IGLL5: variants seen among roughly 807,000 people sequenced by gnomAD.
IGLL5 encodes immunoglobulin lambda-like polypeptide 5.
IGLL5 carries 30 observed loss-of-function variants against 20.9 expected under a neutral mutation model. The ratio of observed to expected loss-of-function variants is 1.44; its 90% CI spans 1.07 to 1.95. The LOEUF (loss-of-function observed/expected upper bound fraction) is 1.95. IGLL5 is among the 30% of genes most tolerant of loss of function. IGLL5 has a pLI of 0.00. For synonymous variants in IGLL5, 203 were observed against 117.3 expected, an observed-to-expected ratio of 1.73 and a Z score of -4.72; for missense variants, 475 against 270.7, an observed-to-expected ratio of 1.75 and a Z score of -5.30.
At chr22:22,895,278 A>T in intron 2 of IGLL5, 97 bp from the exon 3 acceptor site, 1 of 1,167,394 alleles carries the variant, frequency 8.6e-7, no homozygotes, top group Non-Finnish European at 1.2e-6. Flanking sequence ...GGATGGCCAC[A>T]CTGTGAACCC....
chr22:22,895,443 G>A lies in IGLL5; in HGVS notation c.394G>A (p.Ala132Thr). The A allele has an allele frequency of 1.9e-6, 3 of 1,612,912 alleles. No homozygotes were observed. The highest frequency in any genetic ancestry group is 1.3e-5 in the African/African-American group (1 of 74,840). ...PSSEELQANK[A>T]TLVCLISDFY... Reference sequence around the variant, plus strand: ...CTCTGAGGAGCTCCAAGCCAACAAGGCCACACTAGTGTGTCTGATCAGTGA... The same window carrying A: ...CTCTGAGGAGCTCCAAGCCAACAAGACCACACTAGTGTGTCTGATCAGTGA... The change falls in exon 3 of 3, where the codon GCC becomes ACC. Residue 132 changes from alanine (A) to threonine (T), a missense_variant. Transcript: ENST00000526893.
chr22:22,893,935 ACCTTTCTCCATGGGGCCTGGAGGAGGTGC>A (rs2067952049), intron 2 of IGLL5, 117 bp downstream of exon 2: 1 of 775,290 alleles, frequency 1.3e-6, no homozygotes, highest in African/African-American at 1.7e-5. Context: ...ACTGACCCTT[ACCTTTCTCCATGGGGCCTGGAGGAGGTGC>A]ATTAGTCTCC....
intron 2 of IGLL5, 44 bp downstream of exon 2, chr22:22,893,862 G>A (rs776559613): frequency 2.3e-6 from 3 of 1,326,818 alleles, no homozygotes; most frequent in African/African-American, 1.4e-5. Flanking sequence ...ACCCTCTGCT[G>A]TCCCTGGAAA....
chr22:22,888,392 T>G (rs563535096), intron 1 of IGLL5, 133 bp downstream of exon 1: 12 of 689,734 alleles, frequency 1.7e-5, no homozygotes, highest in Middle Eastern at 4.1e-4. Context: ...ACACTGGCTT[T>G]AGTAATGGGT....
Position 22,888,186 on chromosome 22 carries a change from C to CT in IGLL5, c.133_134insT (p.Pro45LeufsTer47). 1.0e-5 allele frequency: 16 copies of CT among 1,548,834 alleles called. No individual in the cohort carries two copies. The highest frequency in any genetic ancestry group is 1.4e-5 in the Non-Finnish European group (16 of 1,146,554). ...TGGCCTGCTGCGCCCAATGGTTGCA[C>CT]CGCAAAGCGGGGACCCAGACCCTGG... On this transcript the variant is annotated frameshift_variant, in exon 1 of 3. Transcript: ENST00000526893. LOFTEE classifies it high-confidence loss of function.
chr22:22,889,045 A>G (rs553871478), intron 1 of IGLL5, among the ~76,000 whole-genome samples: 1 of 151,308 alleles, frequency 6.6e-6, no homozygotes, highest in Non-Finnish European at 1.5e-5. Flanking sequence ...CACCATTCCC[A>G]GTCCAGGACG....
At chr22:22,889,499 A>C (rs2067726465) in intron 1 of IGLL5, among the ~76,000 whole-genome samples, 2 of 151,406 alleles carry the variant, frequency 1.3e-5, no homozygotes, top group East Asian at 2.0e-4. Context: ...AAGGGTGGTT[A>C]GCTCAGCATT....
chr22:22,889,628 C>G (rs145328034), intron 1 of IGLL5, among the ~76,000 whole-genome samples: 3 of 151,342 alleles, frequency 2.0e-5, no homozygotes, highest in East Asian at 2.0e-4. Context: ...TGATCTGTTG[C>G]TCAGGCTGGA....
chr22:22,888,821 T>G, intron 1 of IGLL5, among the ~76,000 whole-genome samples: 1 of 151,328 alleles, frequency 6.6e-6, no homozygotes, highest in Non-Finnish European at 1.5e-5. Context: ...GTCCAGTCAT[T>G]GGAACAGGCC....
At chr22:22,889,086 A>C (rs184284348) in intron 1 of IGLL5, among the ~76,000 whole-genome samples, 2 of 151,274 alleles carry the variant, frequency 1.3e-5, no homozygotes, top group Admixed American at 6.6e-5. Context: ...TAGATTGATT[A>C]TCAGAGTCAG....
intron 2 of IGLL5, 148 bp downstream of exon 2, chr22:22,893,966 T>A (rs142096728): frequency 1.3e-5 from 9 of 688,874 alleles, no homozygotes; most frequent in East Asian, 2.7e-5. Flanking sequence ...AGGAGGTGCA[T>A]TAGTCTCCGG....
rs560170702 is a variant in IGLL5, at chr22:22,888,201, C to T, written c.148C>T (p.Pro50Ser). 5.8e-6 allele frequency: 9 copies of T among 1,548,676 alleles called. No individual in the cohort carries two copies. The highest frequency in any genetic ancestry group is 2.7e-5 in the African/African-American group (2 of 72,862). The change falls in exon 1 of 3, where the codon CCA (proline) becomes TCA (serine). Residue 50 changes from proline (P) to serine (S), a missense_variant. Transcript: ENST00000526893. ...AATGGTTGCACCGCAAAGCGGGGAC[C>T]CAGACCCTGGAGCCTCAGTTGGAAG... is the stretch of plus-strand genomic sequence containing the variant. ...RPMVAPQSGD[P>S]DPGASVGSSR...
chr22:22,888,946 A>G (rs1601605133), intron 1 of IGLL5, among the ~76,000 whole-genome samples: 7 of 151,354 alleles, frequency 4.6e-5, no homozygotes, highest in East Asian at 2.0e-4. Context: ...CAAAAGACAG[A>G]GCAGCGTCAG....
intron 2 of IGLL5, among the ~76,000 whole-genome samples, chr22:22,894,940 A>T (rs1041175512): frequency 1.3e-5 from 2 of 151,444 alleles, no homozygotes; most frequent in East Asian, 2.0e-4. Context: ...GGACAGTCCT[A>T]CAGGATGAGC....
chr22:22,889,507 A>C (rs2067727205), intron 1 of IGLL5, among the ~76,000 whole-genome samples: 1 of 151,252 alleles, frequency 6.6e-6, no homozygotes, highest in African/African-American at 2.4e-5. Context: ...TTAGCTCAGC[A>C]TTATTAGTGA....
chr22:22,888,704 G>C (rs555007055), intron 1 of IGLL5, among the ~76,000 whole-genome samples: 2 of 151,360 alleles, frequency 1.3e-5, no homozygotes, highest in Admixed American at 6.6e-5. Flanking sequence ...GGCAGCAAGG[G>C]CTTGGTTTGG....
At chr22:22,888,733 G>A (rs1343786413) in intron 1 of IGLL5, among the ~76,000 whole-genome samples, 20 of 151,286 alleles carry the variant, frequency 1.3e-4, no homozygotes, top group East Asian at 4.1e-4. Flanking sequence ...AAGGCTGTCT[G>A]TTCACCAACT....
chr22:22,889,092 G>C (rs1426632147), intron 1 of IGLL5, among the ~76,000 whole-genome samples: 1 of 151,308 alleles, frequency 6.6e-6, no homozygotes, highest in East Asian at 2.0e-4. Flanking sequence ...GATTATCAGA[G>C]TCAGATTTGT....
chr22:22,889,091 A>C (rs2067684787), intron 1 of IGLL5, among the ~76,000 whole-genome samples: 1 of 151,168 alleles, frequency 6.6e-6, no homozygotes, highest in African/African-American at 2.4e-5. Context: ...TGATTATCAG[A>C]GTCAGATTTG....
Sources: gnomAD v4.1 joint callset for allele counts (sites outside exome capture counted in the v4.1 genomes callset) on GRCh38, gnomAD v4.1.1 for gene constraint, MANE v1.5 for transcripts, NCBI Gene and HGNC (gene_info 2026-07-23, HGNC 2026-07-21) for gene names.